The following TUSC3 variants were observed in gnomAD, a reference collection of about 807,000 sequenced individuals.
TUSC3 encodes tumor suppressor candidate 3.
TUSC3 carries 45 observed loss-of-function variants against 44.8 expected under a neutral mutation model. The ratio of observed to expected loss-of-function variants is 1.00; its 90% CI spans 0.79 to 1.29. TUSC3 has a LOEUF of 1.29. TUSC3 is among the 50% of genes most tolerant of loss of function. The pLI is 0.00. For synonymous variants in TUSC3, 212 were observed against 152.9 expected (o/e 1.39, Z -2.85); for missense variants, 519 against 437.9 (o/e 1.19, Z -1.65).
At chr8:15,615,222 A>G (rs375404757) in intron 1 of TUSC3, among the ~76,000 whole-genome samples, 29 of 152,226 alleles carry the variant, frequency 1.9e-4, no homozygotes, top group South Asian at 8.3e-4. Context: ...GTGTCCATCA[A>G]TAGATGAATG....
chr8:15,484,384 G>A (rs1355094832), intron 2 of TUSC3, among the ~76,000 whole-genome samples: 1 of 152,116 alleles, frequency 6.6e-6, no homozygotes, highest in Non-Finnish European at 1.5e-5. Flanking sequence ...CTTCATTTGT[G>A]CTCATTTCGA....
chr8:15,646,436 T>G (rs994703509), intron 2 of TUSC3, among the ~76,000 whole-genome samples: 1 of 152,136 alleles, frequency 6.6e-6, no homozygotes, highest in Non-Finnish European at 1.5e-5. Context: ...AAATTGGTTA[T>G]TGGGACATTA....
At chr8:15,843,035 G>T in the TUSC3 span, among the ~76,000 whole-genome samples, 1 of 152,166 alleles carries the variant, frequency 6.6e-6, no homozygotes, top group Admixed American at 6.5e-5. Context: ...TATATTTCAT[G>T]CTCCAGTCTC....
At chr8:15,821,580 G>A in the TUSC3 span, among the ~76,000 whole-genome samples, 2 of 150,722 alleles carry the variant, frequency 1.3e-5, no homozygotes, top group African/African-American at 4.9e-5. Context: ...CCAAAAAGAT[G>A]AGGGTTTTTT....
chr8:15,700,933 G>T (rs1349617349), intron 6 of TUSC3, among the ~76,000 whole-genome samples: 1 of 145,418 alleles, frequency 6.9e-6, no homozygotes, highest in Non-Finnish European at 1.5e-5. Flanking sequence ...GATATGTGAA[G>T]TGAAAATCAT....
chr8:15,830,194 T>C, the TUSC3 span, among the ~76,000 whole-genome samples: 6 of 152,128 alleles, frequency 3.9e-5, no homozygotes, highest in African/African-American at 1.4e-4. Flanking sequence ...TGGATATTAC[T>C]CCTTTGTTAA....
the TUSC3 span, among the ~76,000 whole-genome samples, chr8:15,798,582 C>A: frequency 1.3e-5 from 2 of 152,056 alleles, no homozygotes; most frequent in Admixed American, 1.3e-4. Context: ...AGCAGCGTGG[C>A]GGCAGCTTTG....
intron 5 of TUSC3, among the ~76,000 whole-genome samples, chr8:15,671,315 A>G (rs1231201184): frequency 6.6e-6 from 1 of 151,980 alleles, no homozygotes. Flanking sequence ...TTTTGTATGA[A>G]TATAGTTAAA....
At chr8:15,534,785 T>C (rs1801500675) in intron 2 of TUSC3, among the ~76,000 whole-genome samples, 1 of 152,078 alleles carries the variant, frequency 6.6e-6, no homozygotes, top group South Asian at 2.1e-4. Flanking sequence ...AGAACAAATG[T>C]ATAGACAAAA....
chr8:15,589,516 A>G (rs1458959018), intron 1 of TUSC3, among the ~76,000 whole-genome samples: 1 of 152,222 alleles, frequency 6.6e-6, no homozygotes, highest in Non-Finnish European at 1.5e-5. Context: ...GGTTAATAGT[A>G]GCTAATTACA....
At chr8:15,704,859 G>T (rs1248604781) in intron 6 of TUSC3, among the ~76,000 whole-genome samples, 1 of 151,788 alleles carries the variant, frequency 6.6e-6, no homozygotes, top group Admixed American at 6.6e-5. Context: ...AATCAAAAGG[G>T]TTAAGTGATT....
chr8:15,680,633 G>C (rs775475057), intron 6 of TUSC3, among the ~76,000 whole-genome samples: 4 of 152,066 alleles, frequency 2.6e-5, no homozygotes, highest in Admixed American at 6.6e-5. Context: ...ATGCTGAATA[G>C]TAGTAGAGAG....
chr8:15,777,000 A>G, the TUSC3 span, among the ~76,000 whole-genome samples: 1 of 152,164 alleles, frequency 6.6e-6, no homozygotes, highest in Non-Finnish European at 1.5e-5. Flanking sequence ...GTGGTGCCGT[A>G]TCTCATGTAG....
intron 2 of TUSC3, among the ~76,000 whole-genome samples, chr8:15,504,615 ATATATATTTT>A (rs1392278759): frequency 7.9e-4 from 15 of 19,018 alleles, no homozygotes; most frequent in South Asian, 2.7e-3. Flanking sequence ...ATATATATAT[ATATATATTTT>A]TTTTTTTTTT....
the TUSC3 span, among the ~76,000 whole-genome samples, chr8:15,825,677 A>G: frequency 6.6e-6 from 1 of 152,156 alleles, no homozygotes; most frequent in African/African-American, 2.4e-5. Context: ...CAGAACATAC[A>G]TACAAATAAG....
At chr8:15,516,439 C>T (rs1210319965) in intron 2 of TUSC3, among the ~76,000 whole-genome samples, 1 of 152,172 alleles carries the variant, frequency 6.6e-6, no homozygotes, top group African/African-American at 2.4e-5. Context: ...CACTTGGGAT[C>T]TCTGATATTT....
At chr8:15,517,889 T>C (rs1023015702) in intron 2 of TUSC3, among the ~76,000 whole-genome samples, 13 of 152,234 alleles carry the variant, frequency 8.5e-5, no homozygotes, top group African/African-American at 2.2e-4. Flanking sequence ...CCTTTTAAAT[T>C]GTACAATTCA....
At chr8:15,840,453 G>C in the TUSC3 span, among the ~76,000 whole-genome samples, 1 of 152,122 alleles carries the variant, frequency 6.6e-6, no homozygotes, top group Non-Finnish European at 1.5e-5. Context: ...AAAAGTCTTT[G>C]AGATATGTAG....
the TUSC3 span, among the ~76,000 whole-genome samples, chr8:15,821,725 C>T: frequency 6.6e-6 from 1 of 152,058 alleles, no homozygotes; most frequent in African/African-American, 2.4e-5. Context: ...ACAATCTGCC[C>T]CCTTTTATTT....
Sources: gnomAD v4.1 joint callset for allele counts (sites outside exome capture counted in the v4.1 genomes callset) on GRCh38, gnomAD v4.1.1 for gene constraint, MANE v1.5 for transcripts, NCBI Gene and HGNC (gene_info 2026-07-23, HGNC 2026-07-21) for gene names.